NHSL2: variants seen among roughly 807,000 people sequenced by gnomAD.
NHSL2 encodes NHS like 2.
In NHSL2, 27 loss-of-function variants were observed where a neutral mutation model predicts 53.4. That is an observed-to-expected ratio of 0.51 (90% CI 0.37 to 0.70). NHSL2 has a LOEUF of 0.70. Ranked by LOEUF, NHSL2 falls within the 30% of genes least tolerant of loss-of-function variation. The pLI is 0.00. For missense variants in NHSL2, 892 were observed against 980.1 expected, an observed-to-expected ratio of 0.91 and a Z score of 1.20; for synonymous variants, 408 against 404.1, an observed-to-expected ratio of 1.01 and a Z score of -0.12.
intron 1 of NHSL2, among the ~76,000 whole-genome samples, chrX:71,950,233 C>T (rs1197357538): frequency 1.8e-5 from 2 of 113,023 alleles, no homozygotes; most frequent in Non-Finnish European, 3.7e-5. Context: ...CCATCTGGCC[C>T]AGGCAAGAGG....
intron 1 of NHSL2, chrX:72,069,683 C>T (rs2042455393): frequency 1.9e-5 from 18 of 936,069 alleles, no homozygotes; most frequent in Non-Finnish European, 2.1e-5. Context: ...CAGTCCAGAG[C>T]AGAATGATGG....
chrX:72,088,878 T>A lies in NHSL2; in HGVS notation c.281-43201T>A, dbSNP rs188943855. Among the ~76,000 whole-genome samples the A allele has an allele frequency of 2.7e-4, 30 of 112,686 alleles. 1 individual carries two copies. The Admixed American group carries it at 2.8e-3, about 11-fold the overall frequency. On this transcript the variant is annotated intron_variant, in intron 1 of 7. Transcript: ENST00000633930. Reference sequence around the variant, plus strand: ...TGGCCTCACATGAAGACGGCCTTTGTCTCCTTCCAGCATGCAGCCCTGACC... The same window carrying A: ...TGGCCTCACATGAAGACGGCCTTTGACTCCTTCCAGCATGCAGCCCTGACC...
chrX:72,081,561 C>T (rs926523822), intron 1 of NHSL2, among the ~76,000 whole-genome samples: 2 of 111,411 alleles, frequency 1.8e-5, no homozygotes, highest in Non-Finnish European at 3.8e-5. Context: ...GTTTGGCCTC[C>T]CTCATCTCTC....
Position 72,149,861 on chromosome X carries a change from TCACA to T in NHSL2, c.*6290_*6293del, listed in dbSNP as rs769517949. 1.8e-5 allele frequency: 2 copies of T among 112,399 alleles called. No individual in the cohort carries two copies. Among genetic ancestry groups the T allele is most frequent in the South Asian group, 7.3e-4 (2 of 2,725 alleles). The allele number at this position is 112,399 out of a possible 1,213,427, so 9.3% of individuals were successfully genotyped here. ...CTGAAAGGGACCAACCTCTCTCATT[TCACA>T]CATGAGGAAGCTGAGGCCCAGAAAG... On this transcript the variant is annotated 3_prime_UTR_variant, in exon 8 of 8. Coordinates refer to ENST00000633930, the MANE Select transcript of NHSL2 (RefSeq NM_001013627.3).
At chrX:72,090,675 C>A (rs752574341) in intron 1 of NHSL2, among the ~76,000 whole-genome samples, 15 of 111,022 alleles carry the variant, frequency 1.4e-4, no homozygotes, top group African/African-American at 4.9e-4. Context: ...CCTAACCCCC[C>A]ATCCCCACTT....
At chrX:72,108,637 A>G (rs1465824858) in intron 1 of NHSL2, among the ~76,000 whole-genome samples, 1 of 112,911 alleles carries the variant, frequency 8.9e-6, no homozygotes, top group African/African-American at 3.2e-5. Context: ...GCAGCAGGCT[A>G]GTAGTGTGTG....
intron 1 of NHSL2, among the ~76,000 whole-genome samples, chrX:71,979,588 A>G (rs1334367919): frequency 7.7e-4 from 86 of 111,541 alleles, no homozygotes; most frequent in Middle Eastern, 4.2e-3. Flanking sequence ...CATATCCTTC[A>G]CCCACTTTTT....
At chrX:71,936,661 C>T (rs1310816222) in intron 1 of NHSL2, among the ~76,000 whole-genome samples, 1 of 111,880 alleles carries the variant, frequency 8.9e-6, no homozygotes, top group Non-Finnish European at 1.9e-5. Flanking sequence ...AACTTTAAAG[C>T]CCCTGAACTA....
chrX:72,030,523 T>C (rs1253525981), intron 1 of NHSL2, among the ~76,000 whole-genome samples: 1 of 111,955 alleles, frequency 8.9e-6, no homozygotes. Context: ...TGTATACATC[T>C]GTGTGTAACC....
intron 1 of NHSL2, among the ~76,000 whole-genome samples, chrX:71,981,391 C>T (rs868844248): frequency 3.6e-5 from 4 of 110,160 alleles, no homozygotes; most frequent in Admixed American, 1.9e-4. Flanking sequence ...TTTTAAAATA[C>T]GAAAATTAGC....
In NHSL2 at chrX:72,143,464, A is replaced by G. The variant is rs2042436210; in HGVS notation, c.3568A>G (p.Arg1190Gly). 6 of 1,166,091 alleles carry G rather than the reference A, an allele frequency of 5.1e-6. No individual in the cohort carries two copies. Among genetic ancestry groups the G allele is most frequent in the Middle Eastern group, 2.3e-4 (1 of 4,300 alleles). Reference sequence around the variant, plus strand: ...GAAGAAGGGAAGTAAGGCAACTCCAAGGTCTCGTCCCTCAGCAGCTGAACT... The same window carrying G: ...GAAGAAGGGAAGTAAGGCAACTCCAGGGTCTCGTCCCTCAGCAGCTGAACT... ...LQKKGSKATP[R>G]SRPSAAELLK... The change falls in exon 8 of 8, where the codon AGG becomes GGG. Residue 1190 changes from arginine to glycine, a missense_variant. Transcript: ENST00000633930.
At chrX:72,005,320 TG>T (rs768610580) in intron 1 of NHSL2, among the ~76,000 whole-genome samples, 1 of 112,257 alleles carries the variant, frequency 8.9e-6, no homozygotes, top group East Asian at 2.8e-4. Context: ...CAGTGCACTC[TG>T]CTGCATGCTG....
intron 1 of NHSL2, among the ~76,000 whole-genome samples, chrX:71,924,826 A>G (rs1297061402): frequency 8.9e-6 from 1 of 112,641 alleles, no homozygotes; most frequent in Non-Finnish European, 1.9e-5. Flanking sequence ...AGTATTTGCT[A>G]ATGGAGGTAA....
intron 1 of NHSL2, among the ~76,000 whole-genome samples, chrX:71,978,363 G>A (rs2041958254): frequency 1.8e-5 from 2 of 111,985 alleles, no homozygotes; most frequent in Admixed American, 1.9e-4. Flanking sequence ...GCCCTTGGGT[G>A]GTGCTTTATA....
In NHSL2 at chrX:72,138,765, G is replaced by T; in HGVS notation, c.1217G>T (p.Ser406Ile). The T allele has an allele frequency of 8.3e-7, 1 of 1,210,072 alleles. No homozygotes were observed. The highest frequency in any genetic ancestry group is 1.1e-6 in the Non-Finnish European group (1 of 894,050). ...ACCTACATGACTCCAAGTGCCACCA[G>T]CCAGAGCAATCAAGTCAATGAAAAT... ...AFTYMTPSAT[S>I]QSNQVNENGK... The change falls in exon 6 of 8, where the codon AGC (serine) becomes ATC (isoleucine). Residue 406 changes from serine (S) to isoleucine (I), a missense_variant. Coordinates refer to ENST00000633930, the MANE Select transcript of NHSL2 (RefSeq NM_001013627.3).
At chrX:72,106,934 AGGGGGAACATCACACACCGGGGCTTGTC>A (rs2042046779) in intron 1 of NHSL2, among the ~76,000 whole-genome samples, 1 of 87,886 alleles carries the variant, frequency 1.1e-5, no homozygotes, top group South Asian at 7.0e-4. Context: ...GGACACAGGA[AGGGGGAACATCACACACCGGGGCTTGTC>A]GGGGGGTGGG....
chrX:72,094,971 G>A (rs1419030989), intron 1 of NHSL2, among the ~76,000 whole-genome samples: 1 of 112,050 alleles, frequency 8.9e-6, no homozygotes, highest in African/African-American at 3.2e-5. Context: ...TTGCCATAAT[G>A]CCTCCTGCTA....
intron 1 of NHSL2, among the ~76,000 whole-genome samples, chrX:71,987,549 T>G (rs929957833): frequency 1.8e-5 from 2 of 112,591 alleles, no homozygotes; most frequent in Middle Eastern, 4.2e-3. Context: ...TTAGACCAAA[T>G]GTCTAAATTT....
intron 1 of NHSL2, among the ~76,000 whole-genome samples, chrX:72,081,643 A>C (rs1216004844): frequency 8.9e-6 from 1 of 111,794 alleles, no homozygotes; most frequent in African/African-American, 3.3e-5. Context: ...GAGCCTTTAA[A>C]AAACAGACGC....
Sources: gnomAD v4.1 joint callset for allele counts (sites outside exome capture counted in the v4.1 genomes callset) on GRCh38, gnomAD v4.1.1 for gene constraint, MANE v1.5 for transcripts, NCBI Gene and HGNC (gene_info 2026-07-23, HGNC 2026-07-21) for gene names.